Variants in SLC26A3 observed in about 807,000 individuals in gnomAD.
The protein encoded by SLC26A3 is solute carrier family 26 member 3, also known as chloride anion exchanger.
SLC26A3 carries 64 observed loss-of-function variants against 85.6 expected under a neutral mutation model. The observed-to-expected ratio is 0.75, with a 90% confidence interval of 0.61 to 0.92. The LOEUF is 0.92. Among genes scored for constraint, SLC26A3 ranks in the 40% least tolerant of loss-of-function variants. SLC26A3 has a pLI of 0.00. For synonymous variants in SLC26A3, 349 were observed against 336.0 expected (o/e 1.04, Z -0.42); for missense variants, 922 against 927.3 (o/e 0.99, Z 0.07).
chr7:107,776,454 C>A lies in SLC26A3; in HGVS notation c.1675G>T (p.Ala559Ser). 6.2e-7 allele frequency: 1 copy of A among 1,611,666 alleles called. No homozygotes were observed. The highest frequency in any genetic ancestry group is 8.5e-7 in the Non-Finnish European group (1 of 1,177,832). ...AATTAAATAACCCCAAACCTTACAGCATCGATAAGTTTCCGCCTAAAGAAA... is the reference window on the plus strand; with the variant it reads ...AATTAAATAACCCCAAACCTTACAGAATCGATAAGTTTCCGCCTAAAGAAA... ...IGFFRRKLID[A>S]VGFSPLRILR... Residue 559 changes from alanine (A) to serine (S), a missense_variant and splice_region_variant, in exon 15 of 21, where the codon GCT (alanine) becomes TCT (serine). By Grantham distance (99) the Ala-to-Ser change is moderately conservative. Transcript: ENST00000340010.
chr7:107,793,814 A>G lies in SLC26A3; in HGVS notation c.199T>C (p.Tyr67His), dbSNP rs1181845695. 3.1e-6 allele frequency: 5 copies of G among 1,614,030 alleles called. No homozygotes were observed. The African/African-American group carries it at 5.3e-5, about 17-fold the overall frequency. The change falls in exon 3 of 21, where the codon TAC becomes CAC. Residue 67 changes from tyrosine (Y) to histidine (H), a missense_variant. By Grantham distance (83) the Tyr-to-His change is moderately conservative (BLOSUM62 2). Transcript: ENST00000340010. ...CTGAGCAACCATTCTTTAAGCCGGTATGCTGGCAACCAAGATGCTATGGGG... is the reference window on the plus strand; with the variant it reads ...CTGAGCAACCATTCTTTAAGCCGGTGTGCTGGCAACCAAGATGCTATGGGG... ...LFPIASWLPAYRLKEWLLSDI... is the reference protein window; with the variant it reads ...LFPIASWLPAHRLKEWLLSDI...
chr7:107,802,495 C>T (rs1409358516), intron 1 of SLC26A3, among the ~76,000 whole-genome samples: 2 of 152,052 alleles, frequency 1.3e-5, no homozygotes, highest in East Asian at 3.8e-4. Context: ...GGATGTCTAG[C>T]AGATAAATCT....
intron 6 of SLC26A3, among the ~76,000 whole-genome samples, chr7:107,789,103 CT>C: frequency 2.2e-5 from 3 of 139,136 alleles, no homozygotes; most frequent in African/African-American, 8.5e-5. Context: ...CTTTCTTTTT[CT>C]TTTCTTTTCT....
intron 1 of SLC26A3, among the ~76,000 whole-genome samples, chr7:107,801,446 G>A (rs1226013839): frequency 2.0e-5 from 3 of 152,264 alleles, no homozygotes; most frequent in Non-Finnish European, 4.4e-5. Context: ...TCTCCTTGAG[G>A]TGACTTGCTT....
In SLC26A3 at chr7:107,793,935, G is replaced by C. The variant is rs879463175; in HGVS notation, c.132-54C>G. ...CAATTAATATCAAATTTTAAGTTTA[G>C]TACCTGTCGGTGGGAAATTGGTAAA... On this transcript the variant is annotated intron_variant, in intron 2 of 20. Transcript: ENST00000340010. 36 of 1,611,704 alleles carry C rather than the reference G, an allele frequency of 2.2e-5. No individual in the cohort carries two copies. In the Admixed American group the frequency reaches 3.2e-4, roughly 14 times the overall value.
intron 18 of SLC26A3, among the ~76,000 whole-genome samples, chr7:107,770,353 C>T (rs552697110): frequency 3.4e-5 from 5 of 146,284 alleles, no homozygotes; most frequent in Admixed American, 3.4e-4. Context: ...ACCTCCCAGG[C>T]TCAAGCGATC....
rs376707926 is a variant in SLC26A3, at chr7:107,774,867, G to C, written c.1683C>G (p.Gly561=). The C allele has an allele frequency of 1.6e-5, 26 of 1,613,768 alleles. No homozygotes were observed. The East Asian group carries it at 5.3e-4, about 33-fold the overall frequency. The change falls in exon 16 of 21, where the codon GGC becomes GGG. Residue 561 remains glycine (G), a synonymous_variant. Coordinates refer to ENST00000340010, the MANE Select transcript of SLC26A3 (RefSeq NM_000111.3). ...TGCGTAGAATTCGAAGTGGACTAAA[G>C]CCAACCTGAGAAACCCATTGCTGTG... ...FFRRKLIDAV[G]FSPLRILRKR... is the part of the protein sequence containing the mutation.
chr7:107,786,992 C>T (rs571282622), intron 7 of SLC26A3, 83 bp from the exon 8 acceptor site: 2 of 1,178,102 alleles, frequency 1.7e-6, no homozygotes, highest in South Asian at 1.2e-5. Context: ...TTGCCAAAAC[C>T]CACTTCTGTA....
chr7:107,772,520 T>C (rs777756686), intron 17 of SLC26A3, among the ~76,000 whole-genome samples: 59 of 152,228 alleles, frequency 3.9e-4, no homozygotes, highest in Non-Finnish European at 5.6e-4. Context: ...AATGAATGGA[T>C]GTATCTAGCA....
chr7:107,792,530 A>G (rs1794420694), intron 3 of SLC26A3, among the ~76,000 whole-genome samples: 1 of 152,082 alleles, frequency 6.6e-6, no homozygotes, highest in African/African-American at 2.4e-5. Context: ...ATGAGAATAT[A>G]ATGTTGTCGC....
Position 107,789,662 on chromosome 7 carries a change from T to A in SLC26A3, c.597A>T (p.Gly199=), listed in dbSNP as rs1196810198. Reference sequence around the variant, plus strand: ...ACTCAGACAGGTATATCACTACAAATCCAATCCGCAGAATCCCAAAAGCCA... The same window carrying A: ...ACTCAGACAGGTATATCACTACAAAACCAATCCGCAGAATCCCAAAAGCCA... ...IQLAFGILRI[G]FVVIYLSESL... The change falls in exon 6 of 21, where the codon GGA becomes GGT. Residue 199 remains glycine (G), a synonymous_variant. Transcript: ENST00000340010. The A allele has an allele frequency of 1.2e-6, 2 of 1,613,712 alleles. No homozygotes were observed. Among genetic ancestry groups the A allele is most frequent in the Admixed American group, 3.3e-5 (2 of 59,952 alleles).
chr7:107,796,440 T>G (rs1794501369), intron 1 of SLC26A3, among the ~76,000 whole-genome samples: 1 of 152,118 alleles, frequency 6.6e-6, no homozygotes, highest in Non-Finnish European at 1.5e-5. Context: ...TTTCTGGGCC[T>G]CTCCTCCCCT....
intron 3 of SLC26A3, among the ~76,000 whole-genome samples, chr7:107,792,395 G>A (rs1794417663): frequency 6.6e-6 from 1 of 151,856 alleles, no homozygotes; most frequent in African/African-American, 2.4e-5. Context: ...TTGTTTTCCT[G>A]CAACTAGATG....
chr7:107,787,089 A>G (rs952401513), intron 7 of SLC26A3, among the ~76,000 whole-genome samples, 180 bp from the exon 8 acceptor site: 2 of 152,252 alleles, frequency 1.3e-5, no homozygotes, highest in African/African-American at 4.8e-5. Flanking sequence ...ATTGAGAACC[A>G]CAGCTAAATT....
rs765515301 is a variant in SLC26A3 at position 107,774,062 on chromosome 7, G to A, written c.1865C>T (p.Thr622Ile). The A allele has an allele frequency of 3.7e-6, 6 of 1,614,138 alleles. No individual in the cohort carries two copies. The South Asian group carries it at 4.4e-5, about 12-fold the overall frequency. The change falls in exon 17 of 21, where the codon ACC becomes ATC. Residue 622 changes from threonine to isoleucine, a missense_variant. Transcript: ENST00000340010. ...GTCAATGTGGAAAGGCAGGTCTGTG[G>A]TATTGATTGGCTGGTCCAGTACTTC... ...QIEVLDQPIN[T>I]TDLPFHIDWN...
At chr7:107,770,028 TTCTTTCTTTCTTTCTTTCTTTC>T (rs1793985537) in intron 18 of SLC26A3, among the ~76,000 whole-genome samples, 1 of 46,568 alleles carries the variant, frequency 2.1e-5, no homozygotes, top group African/African-American at 1.0e-4. Flanking sequence ...CTTTCTTTCT[TTCTTTCTTTCTTTCTTTCTTTC>T]TCTTTTCTTT....
chr7:107,788,696 T>G (rs1794338694), intron 6 of SLC26A3, among the ~76,000 whole-genome samples: 1 of 152,034 alleles, frequency 6.6e-6, no homozygotes, highest in African/African-American at 2.4e-5. Context: ...GTATGGTAGA[T>G]GTGGTTGATT....
At chr7:107,783,477 C>A in intron 8 of SLC26A3, 125 bp from the exon 9 acceptor site, 1 of 1,152,500 alleles carries the variant, frequency 8.7e-7, no homozygotes, top group South Asian at 1.3e-5. Flanking sequence ...GTATGATTAA[C>A]GAGAATTTAG....
chr7:107,772,071 T>C lies in SLC26A3; in HGVS notation c.2045A>G (p.Tyr682Cys), dbSNP rs370006510. Reference sequence around the variant, plus strand: ...CCACTTACCATCAGTTCCAACGATATACACATCTACCTTGATCCTGATAAA... The same window carrying C: ...CCACTTACCATCAGTTCCAACGATACACACATCTACCTTGATCCTGATAAA... The part of the protein sequence containing the change: ...QEFIRIKVDV[Y>C]IVGTDDDFIE... The change falls in exon 18 of 21, where the codon TAT becomes TGT. Residue 682 changes from tyrosine (Y) to cysteine (C), a missense_variant. By Grantham distance (194) the Tyr-to-Cys change is radical. Coordinates refer to ENST00000340010, the MANE Select transcript of SLC26A3 (RefSeq NM_000111.3). 1.7e-5 allele frequency: 27 copies of C among 1,612,426 alleles called. No individual in the cohort carries two copies. The highest frequency in any genetic ancestry group is 2.2e-5 in the Non-Finnish European group (26 of 1,178,628).
Sources: allele counts gnomAD v4.1 joint callset (sites outside exome capture counted in the v4.1 genomes callset), GRCh38; gene constraint gnomAD v4.1.1; transcripts MANE v1.5; gene names NCBI Gene and HGNC (gene_info 2026-07-23, HGNC 2026-07-21).